Variants in ABCC2 observed in about 807,000 individuals in gnomAD.
ABCC2 encodes the protein ATP binding cassette subfamily C member 2, also known as ATP-binding cassette sub-family C member 2.
Under a neutral mutation model 173.4 loss-of-function variants are expected in ABCC2, and 157 were observed. The ratio of observed to expected loss-of-function variants is 0.91; its 90% CI spans 0.80 to 1.03. The LOEUF is 1.03. Among genes scored for constraint, ABCC2 ranks in the 50% least tolerant of loss-of-function variants. The pLI is 0.00. For synonymous variants in ABCC2, 657 were observed against 693.5 expected (o/e 0.95, Z 0.83); for missense variants, 1,822 against 1,852.3 (o/e 0.98, Z 0.30).
At position 99,814,628 on chromosome 10, in the gene ABCC2, CAT is replaced by C. The variant is rs34009725; in HGVS notation, c.2094+1487_2094+1488del. Among the ~76,000 whole-genome samples, 100 of 84,400 alleles carry C rather than the reference CAT, an allele frequency of 1.2e-3. 5 individuals carry two copies. Among genetic ancestry groups the C allele is most frequent in the African/African-American group, 4.6e-3 (83 of 17,860 alleles). The allele number at this position is 84,400 out of a possible 152,430, so 55.4% of individuals were successfully genotyped here. ...ATATGTGTATATACACATATACACA[CAT>C]ATGTGTATATACACATATACACACA... is the stretch of plus-strand genomic sequence containing the variant. On this transcript the variant is annotated intron_variant, in intron 16 of 31. Transcript: ENST00000647814.
At chr10:99,841,154 G>A (rs930407060) in intron 25 of ABCC2, among the ~76,000 whole-genome samples, 4 of 152,086 alleles carry the variant, frequency 2.6e-5, no homozygotes, top group African/African-American at 9.7e-5. Flanking sequence ...AACAGGGCAC[G>A]TTGACCCTTC....
intron 15 of ABCC2, among the ~76,000 whole-genome samples, chr10:99,812,465 C>T (rs745705858): frequency 2.6e-5 from 4 of 152,214 alleles, no homozygotes; most frequent in Non-Finnish European, 4.4e-5. Flanking sequence ...CCATTGTGGG[C>T]CCCTACTCAG....
intron 21 of ABCC2, 82 bp from the exon 22 acceptor site, chr10:99,831,529 C>A (rs1782173426): frequency 1.4e-6 from 2 of 1,395,984 alleles, no homozygotes; most frequent in Non-Finnish European, 2.0e-6. Context: ...GACTCCACTT[C>A]TCCTTGTGGT....
chr10:99,851,072 G>A (rs563719505), intron 31 of ABCC2, among the ~76,000 whole-genome samples: 24 of 152,336 alleles, frequency 1.6e-4, no homozygotes, highest in Non-Finnish European at 2.9e-4. Context: ...AGCTCAAGCC[G>A]TGAGAGGCAG....
At chr10:99,830,692 C>T (rs2133112205) in intron 20 of ABCC2, 24 bp from the exon 21 acceptor site, 3 of 1,613,978 alleles carry the variant, frequency 1.9e-6, no homozygotes, top group Non-Finnish European at 2.5e-6. Flanking sequence ...TGCCTGCATG[C>T]TCAGGGAAGC....
rs2133159853 is a variant in ABCC2 at position 99,851,540 on chromosome 10, G to A, written c.4547G>A (p.Gly1516Asp). 1 of 1,614,052 alleles carries A rather than the reference G, an allele frequency of 6.2e-7. No homozygotes were observed. ...VLDNGKIIECGSPEELLQIPG... is the reference protein window; with the variant it reads ...VLDNGKIIECDSPEELLQIPG... ...GACAACGGGAAGATTATAGAGTGCG[G>A]CAGCCCTGAAGAACTGCTACAAATC... is the stretch of plus-strand genomic sequence containing the variant. The change falls in exon 32 of 32, where the codon GGC (glycine) becomes GAC (aspartate). Residue 1516 changes from glycine (G) to aspartate (D), a missense_variant. Transcript: ENST00000647814.
rs1314594543 is a variant in ABCC2, at chr10:99,794,005, A to G, written c.576+6A>G. The G allele has an allele frequency of 6.3e-7, 1 of 1,577,806 alleles. No homozygotes were observed. Among genetic ancestry groups the G allele is most frequent in the African/African-American group, 1.4e-5 (1 of 74,058 alleles). ...AAAATAATGAGTCATCAAATGTGAG[A>G]TTCTAAATATGCCCATCTCATATAT... is the stretch of plus-strand genomic sequence containing the variant. On this transcript the variant is annotated splice_donor_region_variant and intron_variant, in intron 5 of 31. Coordinates refer to ENST00000647814, the MANE Select transcript of ABCC2 (RefSeq NM_000392.5).
chr10:99,846,883 C>T, intron 29 of ABCC2, 78 bp from the exon 30 acceptor site: 1 of 1,573,146 alleles, frequency 6.4e-7, no homozygotes, highest in Admixed American at 1.7e-5. Flanking sequence ...GTCCTATCCA[C>T]CATCTCCCAG....
chr10:99,835,981 G>GT (rs1234979723), intron 24 of ABCC2, 110 bp from the exon 25 acceptor site: 1 of 1,079,614 alleles, frequency 9.3e-7, no homozygotes, highest in Non-Finnish European at 1.4e-6. Context: ...TTGTTCAGAC[G>GT]TAAGCTGTGC....
At position 99,850,605 on chromosome 10, in the gene ABCC2, A is replaced by G. The variant is rs924936790; in HGVS notation, c.4317A>G (p.Ile1439Met). The change falls in exon 31 of 32, where the codon ATA becomes ATG. Residue 1439 changes from isoleucine (I) to methionine (M), a missense_variant. Transcript: ENST00000647814. ...EVTEAGGNLS[I>M]GQRQLLCLGR... Reference sequence around the variant, plus strand: ...TGGTTGCTTCTATTGGCTGCAGCATAGGCCAGAGGCAGCTGCTGTGCCTGG... The same window carrying G: ...TGGTTGCTTCTATTGGCTGCAGCATGGGCCAGAGGCAGCTGCTGTGCCTGG... 1.2e-6 allele frequency: 2 copies of G among 1,614,132 alleles called. No individual in the cohort carries two copies. The highest frequency in any genetic ancestry group is 2.7e-5 in the African/African-American group (2 of 75,064).
chr10:99,799,229 A>G lies in ABCC2; in HGVS notation c.890A>G (p.Lys297Arg). ...LVLEDVEKKKKKSGTKKDVPK... is the reference protein window; with the variant it reads ...LVLEDVEKKKRKSGTKKDVPK... Reference sequence around the variant, plus strand: ...TAGGAAGATGTTGAAAAGAAAAAAAAGAAGTCTGGGACCAAAAAAGATGTT... The same window carrying G: ...TAGGAAGATGTTGAAAAGAAAAAAAGGAAGTCTGGGACCAAAAAAGATGTT... The change falls in exon 8 of 32, where the codon AAG becomes AGG. Residue 297 changes from lysine to arginine, a missense_variant. Lys to Arg is a conservative substitution (Grantham distance 26). Coordinates refer to ENST00000647814, the MANE Select transcript of ABCC2 (RefSeq NM_000392.5). 1.9e-6 allele frequency: 3 copies of G among 1,614,156 alleles called. No homozygotes were observed. The African/African-American group carries it at 4.0e-5, about 22-fold the overall frequency.
At position 99,844,206 on chromosome 10, in the gene ABCC2, A is replaced by G. The variant is rs1036962412; in HGVS notation, c.3844-116A>G. On this transcript the variant is annotated intron_variant, in intron 27 of 31. Transcript: ENST00000647814. ...GTTCAGCCTATTAAATGCAGAGGCC[A>G]TTAGGTAGCTGGGACACTGCTACCC... The G allele has an allele frequency of 7.8e-6, 10 of 1,277,674 alleles. No homozygotes were observed. In the South Asian group the frequency reaches 1.2e-4, roughly 16 times the overall value. 79.1% of individuals were successfully genotyped at this position (1,277,674 alleles called of 1,614,324 possible). A position where few individuals can be genotyped will look rare whatever the true frequency, so the allele number is the denominator to read the frequency against.
chr10:99,783,853 C>A (rs1366832332), intron 1 of ABCC2, among the ~76,000 whole-genome samples: 3 of 152,232 alleles, frequency 2.0e-5, no homozygotes, highest in African/African-American at 7.2e-5. Flanking sequence ...AACTACCTGA[C>A]AAACTTTCTT....
intron 30 of ABCC2, among the ~76,000 whole-genome samples, chr10:99,849,198 C>G (rs953023177): frequency 2.0e-5 from 3 of 152,158 alleles, no homozygotes; most frequent in Non-Finnish European, 4.4e-5. Context: ...CCATTGCACT[C>G]CAGCCTGGGA....
In ABCC2 at chr10:99,850,727, A is replaced by G. The variant is rs1564703854; in HGVS notation, c.4439A>G (p.Gln1480Arg). ...GACAACCTCATTCAGACGACCATCC[A>G]AAACGAGTTCGCCCACTGCACAGTG... Reference protein sequence around the residue: ...ETDNLIQTTIQNEFAHCTVIT... With the variant: ...ETDNLIQTTIRNEFAHCTVIT... The change falls in exon 31 of 32, where the codon CAA (glutamine) becomes CGA (arginine). Residue 1480 changes from glutamine (Q) to arginine (R), a missense_variant. Transcript: ENST00000647814. The G allele has an allele frequency of 6.2e-7, 1 of 1,614,230 alleles. No homozygotes were observed. Among genetic ancestry groups the G allele is most frequent in the African/African-American group, 1.3e-5 (1 of 75,054 alleles).
At position 99,814,194 on chromosome 10, in the gene ABCC2, T is replaced by C. The variant is rs558206251; in HGVS notation, c.2094+1050T>C. 1.6e-3 allele frequency among the ~76,000 whole-genome samples: 51 copies of C among 32,014 alleles called. 13 individuals are homozygous for C. The highest frequency in any genetic ancestry group is 5.9e-3 in the African/African-American group (51 of 8,576). 21.0% of individuals were successfully genotyped at this position (32,014 alleles called of 152,430 possible). ...ATACACACATGTATGTATACACACA[T>C]GTGTATATATACACACATGTGTATA... On this transcript the variant is annotated intron_variant, in intron 16 of 31. Transcript: ENST00000647814.
At chr10:99,797,610 G>T (rs2037941316) in intron 7 of ABCC2, 3 of 404,592 alleles carry the variant, frequency 7.4e-6, no homozygotes, top group Admixed American at 7.5e-5. Flanking sequence ...TTGCACCTTG[G>T]TACAAATTAG....
At chr10:99,789,723 A>G (rs1303718381) in intron 2 of ABCC2, among the ~76,000 whole-genome samples, 2 of 148,540 alleles carry the variant, frequency 1.3e-5, no homozygotes, top group Non-Finnish European at 3.0e-5. Flanking sequence ...AAAAAAAAAA[A>G]AAAGAAAAAG....
At chr10:99,825,317 A>G (rs2038616356) in intron 19 of ABCC2, among the ~76,000 whole-genome samples, 1 of 152,212 alleles carries the variant, frequency 6.6e-6, no homozygotes, top group Admixed American at 6.5e-5. Flanking sequence ...GGCTGTGCCT[A>G]TGCCGACAAA....
Sources: allele counts gnomAD v4.1 joint callset (sites outside exome capture counted in the v4.1 genomes callset), GRCh38; gene constraint gnomAD v4.1.1; transcripts MANE v1.5; gene names NCBI Gene and HGNC (gene_info 2026-07-23, HGNC 2026-07-21).